Variants in DDX42 observed in about 807,000 individuals in gnomAD.
The protein encoded by DDX42 is DEAD-box helicase 42, also known as ATP-dependent RNA helicase DDX42.
Under a neutral mutation model 101.5 loss-of-function variants are expected in DDX42, and 22 were observed. The ratio of observed to expected loss-of-function variants is 0.22; its 90% confidence interval spans 0.15 to 0.31. The LOEUF is 0.31. Among genes scored for constraint, DDX42 ranks in the 10% least tolerant of loss-of-function variants. The pLI is 1.00. For synonymous variants in DDX42, 402 were observed against 401.2 expected (o/e 1.00, Z -0.02); for missense variants, 849 against 1,199.9 (o/e 0.71, Z 4.32).
At position 63,800,911 on chromosome 17, in the gene DDX42, TC is replaced by T. The variant is rs2039756877; in HGVS notation, c.621+295del. Among the ~76,000 whole-genome samples the T allele has an allele frequency of 7.5e-4, 15 of 20,006 alleles. 1 individual carries two copies. In the African/African-American group the frequency reaches 0.01, roughly 14 times the overall value. The allele number at this position is 20,006 out of a possible 152,430, so 13.1% of individuals were successfully genotyped here. A position where few individuals can be genotyped will look rare whatever the true frequency, so the allele number is the denominator to read the frequency against. On this transcript the variant is annotated intron_variant, in intron 6 of 17. Transcript: ENST00000389924. ...TTTCTTTCTTTCTCTTTCTTTCTTT[TC>T]TTTCCTTCCTTCCTTTCTTTCTTTT...
intron 3 of DDX42, among the ~76,000 whole-genome samples, chr17:63,794,674 G>A (rs866900436): frequency 2.0e-5 from 3 of 151,594 alleles, no homozygotes; most frequent in South Asian, 2.1e-4. Context: ...AGTGGCTCAC[G>A]GCTCACATTT....
At chr17:63,814,367 A>G (rs928580725) in intron 15 of DDX42, among the ~76,000 whole-genome samples, 10 of 152,186 alleles carry the variant, frequency 6.6e-5, no homozygotes, top group African/African-American at 2.4e-4. Flanking sequence ...GCCAGCTCAC[A>G]CAACTGGTAC....
chr17:63,803,143 A>C (rs796709203), intron 6 of DDX42, among the ~76,000 whole-genome samples: 6 of 152,330 alleles, frequency 3.9e-5, no homozygotes, highest in African/African-American at 1.2e-4. Context: ...TACAAAGTCA[A>C]GCATGAATAA....
At position 63,800,632 on chromosome 17, in the gene DDX42, G is replaced by C. The variant is rs754868344; in HGVS notation, c.621+15G>C. On this transcript the variant is annotated intron_variant, in intron 6 of 17. Coordinates refer to ENST00000389924, the MANE Select transcript of DDX42 (RefSeq NM_203499.3). ...ATCATTCAGAGGTATGGTGTTTCTT[G>C]CTGAATTTTACTCTTGTTTCAAGCT... 6.2e-7 allele frequency: 1 copy of C among 1,609,680 alleles called. No individual in the cohort carries two copies. The highest frequency in any genetic ancestry group is 1.1e-5 in the South Asian group (1 of 90,042).
At chr17:63,789,257 T>C (rs2090259941) in intron 2 of DDX42, among the ~76,000 whole-genome samples, 1 of 151,912 alleles carries the variant, frequency 6.6e-6, no homozygotes, top group Admixed American at 6.6e-5. Flanking sequence ...TTTTGTATTT[T>C]TAGTAGAAAC....
intron 6 of DDX42, among the ~76,000 whole-genome samples, chr17:63,804,051 A>G (rs989510200): frequency 6.6e-6 from 1 of 152,222 alleles, no homozygotes; most frequent in Non-Finnish European, 1.5e-5. Context: ...GAGATTTGTG[A>G]AAATACAATA....
chr17:63,812,278 C>T (rs2039919652), intron 14 of DDX42, 70 bp downstream of exon 14: 3 of 1,527,244 alleles, frequency 2.0e-6, no homozygotes, highest in Non-Finnish European at 2.6e-6. Flanking sequence ...CTACATAAGA[C>T]CTATAATATC....
intron 1 of DDX42, among the ~76,000 whole-genome samples, chr17:63,786,485 C>T (rs1248074663): frequency 1.3e-5 from 2 of 152,178 alleles, no homozygotes; most frequent in Admixed American, 6.5e-5. Flanking sequence ...AGTGCAGTGG[C>T]GTGATCATAG....
At chr17:63,810,967 A>G in intron 12 of DDX42, 109 bp from the exon 13 acceptor site, 2 of 797,654 alleles carry the variant, frequency 2.5e-6, no homozygotes, top group Non-Finnish European at 4.0e-6. Flanking sequence ...TTTAAAGTTC[A>G]GGTGAGCTTA....
chr17:63,790,363 G>A (rs894379345), intron 2 of DDX42, among the ~76,000 whole-genome samples: 2 of 152,210 alleles, frequency 1.3e-5, no homozygotes, highest in South Asian at 4.1e-4. Context: ...AATCGCTCAC[G>A]TCTGTAATCC....
At chr17:63,805,742 A>G (rs1413041694) in intron 7 of DDX42, 1 of 152,538 alleles carries the variant, frequency 6.6e-6, no homozygotes, top group Non-Finnish European at 1.5e-5. Context: ...AATATAGACA[A>G]CTTTCTCGCC....
At chr17:63,816,361 T>G (rs934388089) in intron 16 of DDX42, among the ~76,000 whole-genome samples, 2 of 152,192 alleles carry the variant, frequency 1.3e-5, no homozygotes, top group African/African-American at 4.8e-5. Flanking sequence ...TTGAGCACTT[T>G]ATATGTGCCA....
intron 1 of DDX42, among the ~76,000 whole-genome samples, chr17:63,777,223 G>C (rs1052868686): frequency 6.6e-6 from 1 of 151,744 alleles, no homozygotes; most frequent in African/African-American, 2.4e-5. Flanking sequence ...ATAGGATTTA[G>C]TGCCTAGAAC....
At chr17:63,817,659 A>C in intron 17 of DDX42, 35 bp from the exon 18 acceptor site, 1 of 1,595,064 alleles carries the variant, frequency 6.3e-7, no homozygotes, top group Non-Finnish European at 8.6e-7. Context: ...TGAACTTGCT[A>C]TCTTACCTAC....
At chr17:63,810,969 G>C (rs552716183) in intron 12 of DDX42, 107 bp from the exon 13 acceptor site, 2 of 801,882 alleles carry the variant, frequency 2.5e-6, no homozygotes, top group African/African-American at 3.5e-5. Context: ...TAAAGTTCAG[G>C]TGAGCTTATG....
At chr17:63,787,410 C>G in intron 2 of DDX42, 140 bp downstream of exon 2, 5 of 935,042 alleles carry the variant, frequency 5.3e-6, no homozygotes, top group Non-Finnish European at 6.3e-6. Flanking sequence ...TTCCATTGTT[C>G]CTAATAAGTT....
At chr17:63,800,913 T>TTTCC (rs2039756993) in intron 6 of DDX42, among the ~76,000 whole-genome samples, 1 of 21,856 alleles carries the variant, frequency 4.6e-5, no homozygotes, top group African/African-American at 5.3e-4. Context: ...CTTTCTTTTC[T>TTTCC]TTCCTTCCTT....
intron 10 of DDX42, 47 bp from the exon 11 acceptor site, chr17:63,809,513 G>T: frequency 6.6e-7 from 1 of 1,512,774 alleles, no homozygotes; most frequent in Non-Finnish European, 9.2e-7. Context: ...GAAAGTCCCT[G>T]TGAATGCCTT....
Position 63,818,098 on chromosome 17 carries a change from C to A in DDX42, c.2517C>A (p.Arg839=), listed in dbSNP as rs771091427. 14 of 1,613,880 alleles carry A rather than the reference C, an allele frequency of 8.7e-6. No homozygotes were observed. In the South Asian group the frequency reaches 1.5e-4, roughly 18 times the overall value. ...SDSPRHGDGG[R]HGDGYRHPES... ...GTCCACGTCACGGAGATGGTGGTCG[C>A]CATGGAGATGGATACCGCCATCCAG... Residue 839 remains arginine (R), a synonymous_variant, in exon 18 of 18, where the codon CGC becomes CGA. Transcript: ENST00000389924.
Sources: gnomAD v4.1 joint callset for allele counts (sites outside exome capture counted in the v4.1 genomes callset) on GRCh38, gnomAD v4.1.1 for gene constraint, MANE v1.5 for transcripts, NCBI Gene and HGNC (gene_info 2026-07-23, HGNC 2026-07-21) for gene names.